The following TMTC2 variants were observed in gnomAD, a reference collection of about 807,000 sequenced individuals.
The protein encoded by TMTC2 is transmembrane O-mannosyltransferase targeting cadherins 2.
In TMTC2, 43 loss-of-function variants were observed where a neutral mutation model predicts 82.4. The observed-to-expected ratio is 0.52, with a 90% CI of 0.41 to 0.67. TMTC2 has a LOEUF of 0.67. TMTC2 is among the 30% of genes least tolerant of loss of function. The pLI is 0.00. For missense variants in TMTC2, 919 were observed against 1,012.4 expected, an observed-to-expected ratio of 0.91 and a Z score of 1.25; for synonymous variants, 408 against 381.9, an observed-to-expected ratio of 1.07 and a Z score of -0.80.
Position 83,096,630 on chromosome 12 carries a change from G to A in TMTC2, c.2331+34799G>A, listed in dbSNP as rs572027546. 2.0e-5 allele frequency among the ~76,000 whole-genome samples: 3 copies of A among 152,254 alleles called. No homozygotes were observed. The South Asian group carries it at 6.2e-4, about 32-fold the overall frequency. On this transcript the variant is annotated intron_variant, in intron 11 of 11. Transcript: ENST00000321196. Reference sequence around the variant, plus strand: ...GGAACTCCTCTTTATAAAACCATCAGATCTCATGAGACCTATTCACTATCA... The same window carrying A: ...GGAACTCCTCTTTATAAAACCATCAAATCTCATGAGACCTATTCACTATCA...
At chr12:82,873,955 T>C (rs1592592479) in intron 2 of TMTC2, among the ~76,000 whole-genome samples, 1 of 152,212 alleles carries the variant, frequency 6.6e-6, no homozygotes, top group Admixed American at 6.5e-5. Context: ...AATTCACTAC[T>C]GAACAATTTT....
intron 1 of TMTC2, among the ~76,000 whole-genome samples, chr12:82,797,831 CT>C (rs141112043): frequency 0.014 from 2,153 of 151,754 alleles, 51 homozygotes; most frequent in African/African-American, 0.05. Context: ...ATAAAATACT[CT>C]AAATCTTATA....
At chr12:82,730,168 G>T (rs1874709679) in intron 1 of TMTC2, among the ~76,000 whole-genome samples, 1 of 151,922 alleles carries the variant, frequency 6.6e-6, no homozygotes, top group Non-Finnish European at 1.5e-5. Context: ...ACTGGCACGT[G>T]CCTGGAGTCC....
chr12:82,937,861 G>A (rs1876470909), intron 4 of TMTC2, among the ~76,000 whole-genome samples: 1 of 148,466 alleles, frequency 6.7e-6, no homozygotes, highest in African/African-American at 2.5e-5. Context: ...GGTTGAGACA[G>A]CAATGAAAGA....
chr12:82,935,186 T>C (rs1428519560), intron 4 of TMTC2, among the ~76,000 whole-genome samples: 2 of 152,170 alleles, frequency 1.3e-5, no homozygotes, highest in South Asian at 2.1e-4. Context: ...AAGAAAGTGC[T>C]ACCTAAGGCA....
chr12:82,970,482 C>G (rs922305859), intron 7 of TMTC2, among the ~76,000 whole-genome samples: 2 of 147,934 alleles, frequency 1.4e-5, no homozygotes, highest in Non-Finnish European at 3.0e-5. Context: ...CAGGCGCCCG[C>G]CACCGCGCCC....
chr12:82,903,407 TTTTG>T (rs1268838699), intron 3 of TMTC2, among the ~76,000 whole-genome samples: 1 of 151,914 alleles, frequency 6.6e-6, no homozygotes, highest in African/African-American at 2.4e-5. Context: ...TTTGTTTTTG[TTTTG>T]TTTTTGTTTT....
At chr12:83,077,702 G>A (rs1883328609) in intron 11 of TMTC2, among the ~76,000 whole-genome samples, 1 of 151,814 alleles carries the variant, frequency 6.6e-6, no homozygotes, top group Non-Finnish European at 1.5e-5. Context: ...AGCCTCCCAA[G>A]CAGCTGGGAC....
chr12:82,847,941 A>G (rs566002052), intron 1 of TMTC2, among the ~76,000 whole-genome samples: 22 of 152,276 alleles, frequency 1.4e-4, no homozygotes, highest in African/African-American at 5.1e-4. Flanking sequence ...AACTTAAAGT[A>G]TAATAATAAT....
At chr12:83,006,986 T>C (rs1054822083) in intron 8 of TMTC2, among the ~76,000 whole-genome samples, 4 of 152,072 alleles carry the variant, frequency 2.6e-5, no homozygotes, top group Non-Finnish European at 5.9e-5. Context: ...ATACCTAATG[T>C]AAATGACGAG....
intron 8 of TMTC2, among the ~76,000 whole-genome samples, chr12:83,007,768 C>A (rs1429876246): frequency 6.6e-6 from 1 of 152,012 alleles, no homozygotes; most frequent in Non-Finnish European, 1.5e-5. Context: ...TATCATTTTC[C>A]TTCTGCCTGA....
At chr12:83,092,899 G>A (rs1484673452) in intron 11 of TMTC2, among the ~76,000 whole-genome samples, 1 of 152,188 alleles carries the variant, frequency 6.6e-6, no homozygotes, top group African/African-American at 2.4e-5. Context: ...CTGTGGTTAA[G>A]CAAATAGGTA....
At chr12:82,774,777 C>T (rs1877499551) in intron 1 of TMTC2, among the ~76,000 whole-genome samples, 2 of 151,632 alleles carry the variant, frequency 1.3e-5, no homozygotes, top group African/African-American at 4.8e-5. Context: ...GGAGGGGTGG[C>T]ACACACTTTT....
intron 9 of TMTC2, among the ~76,000 whole-genome samples, chr12:83,036,143 T>C (rs533183051): frequency 6.6e-6 from 1 of 152,260 alleles, no homozygotes; most frequent in African/African-American, 2.4e-5. Flanking sequence ...TTTCCAAGGG[T>C]TCAGCTGTGT....
chr12:82,991,854 T>C (rs1879415940), intron 8 of TMTC2, among the ~76,000 whole-genome samples: 1 of 152,234 alleles, frequency 6.6e-6, no homozygotes, highest in Admixed American at 6.5e-5. Context: ...TGTAGTTGTG[T>C]GCGCATGCTT....
At chr12:82,834,483 C>G (rs1034066462) in intron 1 of TMTC2, among the ~76,000 whole-genome samples, 1 of 152,212 alleles carries the variant, frequency 6.6e-6, no homozygotes, top group African/African-American at 2.4e-5. Context: ...CAACATCTAG[C>G]TTTTAGTAAT....
chr12:82,838,227 A>C (rs1334920502), intron 1 of TMTC2, among the ~76,000 whole-genome samples: 1 of 152,174 alleles, frequency 6.6e-6, no homozygotes, highest in Non-Finnish European at 1.5e-5. Context: ...GTGTCATGTC[A>C]TCAACACCCT....
At chr12:82,860,562 G>A (rs1399466688) in intron 2 of TMTC2, among the ~76,000 whole-genome samples, 2 of 152,202 alleles carry the variant, frequency 1.3e-5, no homozygotes, top group African/African-American at 4.8e-5. Context: ...GGAAATGAAG[G>A]CAGCTATAGT....
At chr12:82,765,044 AC>A (rs1439671193) in intron 1 of TMTC2, among the ~76,000 whole-genome samples, 3 of 152,062 alleles carry the variant, frequency 2.0e-5, no homozygotes, top group Non-Finnish European at 2.9e-5. Flanking sequence ...TAACAGAAAC[AC>A]CTTAAAGATC....
Sources: allele counts gnomAD v4.1 joint callset (sites outside exome capture counted in the v4.1 genomes callset), GRCh38; gene constraint gnomAD v4.1.1; transcripts MANE v1.5; gene names NCBI Gene and HGNC (gene_info 2026-07-23, HGNC 2026-07-21).